Variants in DCP2 observed in about 807,000 individuals in gnomAD.
DCP2 encodes the protein decapping mRNA 2.
Under a neutral mutation model 56.1 loss-of-function variants are expected in DCP2, and 30 were observed. The ratio of observed to expected loss-of-function variants is 0.53; its 90% confidence interval spans 0.40 to 0.73. The LOEUF (loss-of-function observed/expected upper bound fraction) is 0.73. DCP2 is among the 30% of genes least tolerant of loss of function. The pLI is 0.00. For synonymous variants in DCP2, 197 were observed against 163.3 expected (o/e 1.21, Z -1.57); for missense variants, 533 against 502.7 (o/e 1.06, Z -0.58).
intron 8 of DCP2, among the ~76,000 whole-genome samples, chr5:113,004,552 C>T (rs1277156680): frequency 1.3e-5 from 2 of 152,116 alleles, no homozygotes; most frequent in Non-Finnish European, 2.9e-5. Flanking sequence ...TGGTTGTTTC[C>T]AGTTTGGGGC....
intron 2 of DCP2, among the ~76,000 whole-genome samples, chr5:112,989,371 C>T (rs1748466136): frequency 6.6e-6 from 1 of 151,212 alleles, no homozygotes; most frequent in South Asian, 2.1e-4. Context: ...ACATGTAAGT[C>T]GTTTACTTGG....
intron 2 of DCP2, among the ~76,000 whole-genome samples, chr5:112,988,041 A>G (rs2112454): frequency 0.6 from 91,219 of 151,962 alleles, 28,694 homozygotes; most frequent in African/African-American, 0.8. Flanking sequence ...ATTCTCAGCT[A>G]CCTATCACTT....
intron 9 of DCP2, among the ~76,000 whole-genome samples, chr5:113,009,508 CAT>C (rs752959049): frequency 2.8e-4 from 42 of 152,136 alleles, no homozygotes; most frequent in African/African-American, 3.6e-4. Context: ...ATTGGTAACA[CAT>C]AAAAATTACT....
In DCP2 at chr5:113,020,473, A is replaced by G. The variant is rs1404302467; in HGVS notation, c.*6989A>G. 6.6e-6 allele frequency: 1 copy of G among 152,256 alleles called. No homozygotes were observed. Among genetic ancestry groups the G allele is most frequent in the Non-Finnish European group, 1.5e-5 (1 of 68,050 alleles). The allele number at this position is 152,256 out of a possible 1,614,324, so 9.4% of individuals were successfully genotyped here. A position where few individuals can be genotyped will look rare whatever the true frequency, so the allele number is the denominator to read the frequency against. On this transcript the variant is annotated 3_prime_UTR_variant, in exon 11 of 11. Coordinates refer to ENST00000389063, the MANE Select transcript of DCP2 (RefSeq NM_152624.6). Reference sequence around the variant, plus strand: ...TTACTGATAGCAGAAAAGGAACCCCAAAACACCTGTAGTGTTCACCTTGTT... The same window carrying G: ...TTACTGATAGCAGAAAAGGAACCCCGAAACACCTGTAGTGTTCACCTTGTT...
chr5:113,007,712 T>A (rs79279619), intron 8 of DCP2, among the ~76,000 whole-genome samples: 11,964 of 152,182 alleles, frequency 0.079, 654 homozygotes, highest in Non-Finnish European at 0.12. Flanking sequence ...GTGGAAAGAT[T>A]TCTAGGGGCA....
intron 4 of DCP2, among the ~76,000 whole-genome samples, chr5:112,997,253 A>G (rs571561496): frequency 5.9e-5 from 9 of 152,326 alleles, no homozygotes; most frequent in Admixed American, 4.6e-4. Context: ...TATAAGTTCT[A>G]TTTAACAGGA....
chr5:112,982,011 G>A (rs913792993), intron 1 of DCP2, among the ~76,000 whole-genome samples: 13 of 152,008 alleles, frequency 8.6e-5, no homozygotes, highest in African/African-American at 2.9e-4. Context: ...CAGGTGATCC[G>A]CCTGCCATGG....
chr5:113,005,151 G>GGTGTGTGTGGGT (rs1554101209), intron 8 of DCP2, among the ~76,000 whole-genome samples: 1 of 149,420 alleles, frequency 6.7e-6, no homozygotes, highest in South Asian at 2.1e-4. Flanking sequence ...TGTGCGTGTG[G>GGTGTGTGTGGGT]GTGTGTGTGT....
chr5:112,992,592 G>A, intron 3 of DCP2, 80 bp from the exon 4 acceptor site: 1 of 1,018,522 alleles, frequency 9.8e-7, no homozygotes. Context: ...CCTCAAGTAA[G>A]GAGAAAAATG....
chr5:113,009,654 A>T lies in DCP2; in HGVS notation c.1048-1102A>T, dbSNP rs943963213. 2.0e-5 allele frequency among the ~76,000 whole-genome samples: 3 copies of T among 152,164 alleles called. No homozygotes were observed. The South Asian group carries it at 6.2e-4, about 32-fold the overall frequency. ...AAACGTGGAAAACAAATATTGAAGA[A>T]GATATTAAATACAGTATCGTAGATC... On this transcript the variant is annotated intron_variant, in intron 9 of 10. Coordinates refer to ENST00000389063, the MANE Select transcript of DCP2 (RefSeq NM_152624.6).
chr5:112,978,543 A>G (rs1261672000), intron 1 of DCP2, among the ~76,000 whole-genome samples: 1 of 152,226 alleles, frequency 6.6e-6, no homozygotes, highest in Non-Finnish European at 1.5e-5. Context: ...TCACAAAAGT[A>G]CATACAGAAA....
chr5:113,012,605 A>G (rs138666161), intron 10 of DCP2, among the ~76,000 whole-genome samples: 10 of 152,216 alleles, frequency 6.6e-5, no homozygotes, highest in African/African-American at 2.4e-4. Context: ...TTGTTGTACT[A>G]TGATTTGGAA....
Position 113,018,156 on chromosome 5 carries a change from T to C in DCP2, c.*4672T>C, listed in dbSNP as rs1199542987. 2 of 152,186 alleles carry C rather than the reference T, an allele frequency of 1.3e-5. No homozygotes were observed. The highest frequency in any genetic ancestry group is 1.5e-5 in the Non-Finnish European group (1 of 68,026). 9.4% of individuals were successfully genotyped at this position (152,186 alleles called of 1,614,324 possible). ...TTCCATCTAACTTCCTTGTGACAAA[T>C]AGCATTTACTATTGAAATAGTCTTA... On this transcript the variant is annotated 3_prime_UTR_variant, in exon 11 of 11. Transcript: ENST00000389063.
rs148647815 is a variant in DCP2 at position 112,990,571 on chromosome 5, C to T, written c.206-1550C>T. On this transcript the variant is annotated intron_variant, in intron 2 of 10. Coordinates refer to ENST00000389063, the MANE Select transcript of DCP2 (RefSeq NM_152624.6). ...TTTTTTTCCCCTCCCCAAATGAAGG[C>T]ATGCACTAATTATATTGAGATTAAC... Among the ~76,000 whole-genome samples, 205 of 152,138 alleles carry T rather than the reference C, an allele frequency of 1.3e-3. 3 individuals are homozygous for T. In the East Asian group the frequency reaches 0.035, roughly 26 times the overall value.
intron 8 of DCP2, among the ~76,000 whole-genome samples, chr5:113,006,620 T>A (rs1035100108): frequency 2.0e-5 from 3 of 151,900 alleles, no homozygotes; most frequent in African/African-American, 7.3e-5. Flanking sequence ...CATTCTTATT[T>A]TATATATATA....
intron 2 of DCP2, among the ~76,000 whole-genome samples, chr5:112,991,514 C>T (rs961339798): frequency 7.2e-5 from 11 of 152,036 alleles, no homozygotes; most frequent in African/African-American, 2.2e-4. Flanking sequence ...CTCTGTAATC[C>T]TTAAAATAAA....
At chr5:112,996,592 C>T (rs1003127738) in intron 4 of DCP2, among the ~76,000 whole-genome samples, 2 of 152,192 alleles carry the variant, frequency 1.3e-5, no homozygotes, top group African/African-American at 4.8e-5. Flanking sequence ...TTTGACACAT[C>T]CTCAAACAGG....
At position 113,013,355 on chromosome 5, in the gene DCP2, C is replaced by T. The variant is rs1164967865; in HGVS notation, c.1134C>T (p.Asp378=). 2 of 1,614,064 alleles carry T rather than the reference C, an allele frequency of 1.2e-6. No individual in the cohort carries two copies. Among genetic ancestry groups the T allele is most frequent in the East Asian group, 2.2e-5 (1 of 44,860 alleles). Residue 378 remains aspartate (D), a synonymous_variant, in exon 11 of 11, where the codon GAC becomes GAT. Transcript: ENST00000389063. ...AVYDLPSSSE[D]QLLEHAEGQP... ...ATGACTTGCCTAGCTCCAGTGAAGACCAGTTGCTAGAACATGCTGAGGGAC... is the reference window on the plus strand; with the variant it reads ...ATGACTTGCCTAGCTCCAGTGAAGATCAGTTGCTAGAACATGCTGAGGGAC...
chr5:112,990,340 A>T (rs1748523436), intron 2 of DCP2, among the ~76,000 whole-genome samples: 1 of 152,258 alleles, frequency 6.6e-6, no homozygotes, highest in South Asian at 2.1e-4. Context: ...AATTATGCAT[A>T]GTCTTTGATT....
Sources: gnomAD v4.1 joint callset for allele counts (sites outside exome capture counted in the v4.1 genomes callset) on GRCh38, gnomAD v4.1.1 for gene constraint, MANE v1.5 for transcripts, NCBI Gene and HGNC (gene_info 2026-07-23, HGNC 2026-07-21) for gene names.